The following ATP9A variants were observed in gnomAD, a reference collection of about 807,000 sequenced individuals.
The protein encoded by ATP9A is ATPase phospholipid transporting 9A.
In ATP9A, 52 loss-of-function variants were observed where a neutral mutation model predicts 144.1. That is an observed-to-expected ratio of 0.36 (90% CI 0.29 to 0.45). ATP9A has a LOEUF of 0.45. Among genes scored for constraint, ATP9A ranks in the 20% least tolerant of loss-of-function variants. The pLI is 1.00. For synonymous variants in ATP9A, 582 were observed against 557.4 expected (o/e 1.04, Z -0.62); for missense variants, 947 against 1,392.7 (o/e 0.68, Z 5.09).
intron 4 of ATP9A, among the ~76,000 whole-genome samples, chr20:51,702,365 C>CTTGT (rs370241750): frequency 2.3e-5 from 3 of 130,216 alleles, no homozygotes; most frequent in South Asian, 2.6e-4. Flanking sequence ...TGTGTGTGTT[C>CTTGT]GTGTGTGTGT....
chr20:51,712,918 G>GC, intron 4 of ATP9A, 48 bp downstream of exon 4: 1 of 1,500,726 alleles, frequency 6.7e-7, no homozygotes, highest in Non-Finnish European at 9.1e-7. Context: ...ACTGTCAGCG[G>GC]CCCGTGATTG....
Position 51,730,824 on chromosome 20 carries a change from T to C in ATP9A, c.69-846A>G, listed in dbSNP as rs1192446494. On this transcript the variant is annotated intron_variant, in intron 1 of 27. Coordinates refer to ENST00000338821, the MANE Select transcript of ATP9A (RefSeq NM_006045.3). ...TCTAATGGGGCCACTGTTATATATG[T>C]GGTCTGTGGTTGGTTGATATGTCAT... Among the ~76,000 whole-genome samples the C allele has an allele frequency of 2.0e-5, 3 of 152,122 alleles. No homozygotes were observed. The East Asian group carries it at 5.8e-4, about 29-fold the overall frequency.
At chr20:51,649,421 A>C (rs2077354603) in intron 14 of ATP9A, among the ~76,000 whole-genome samples, 1 of 152,126 alleles carries the variant, frequency 6.6e-6, no homozygotes, top group African/African-American at 2.4e-5. Flanking sequence ...GGGCACAATC[A>C]TTGTGACTCT....
At position 51,695,532 on chromosome 20, in the gene ATP9A, G is replaced by A. The variant is rs953707937; in HGVS notation, c.547+561C>T. On this transcript the variant is annotated intron_variant, in intron 6 of 27. Coordinates refer to ENST00000338821, the MANE Select transcript of ATP9A (RefSeq NM_006045.3). Reference sequence around the variant, plus strand: ...ATAGGGTGGGCAGGCAATGACAGCTGCCACCCTAGGGAACAACTGCAAGGA... The same window carrying A: ...ATAGGGTGGGCAGGCAATGACAGCTACCACCCTAGGGAACAACTGCAAGGA... Among the ~76,000 whole-genome samples, 2 of 151,408 alleles carry A rather than the reference G, an allele frequency of 1.3e-5. 1 individual carries two copies. Among genetic ancestry groups the A allele is most frequent in the Admixed American group, 1.3e-4 (2 of 15,180 alleles).
chr20:51,716,971 C>G (rs935353036), intron 3 of ATP9A, among the ~76,000 whole-genome samples: 1 of 152,120 alleles, frequency 6.6e-6, no homozygotes, highest in Non-Finnish European at 1.5e-5. Context: ...GTCAGGAGTT[C>G]CAGATCAGCC....
At chr20:51,701,505 T>C (rs1024955538) in intron 4 of ATP9A, among the ~76,000 whole-genome samples, 1 of 152,204 alleles carries the variant, frequency 6.6e-6, no homozygotes, top group African/African-American at 2.4e-5. Flanking sequence ...GAACTCTGCC[T>C]CTCTCTGTCC....
In ATP9A at chr20:51,622,107, C is replaced by T. The variant is rs781478322; in HGVS notation, c.2082G>A (p.Val694=). 34 of 1,614,016 alleles carry T rather than the reference C, an allele frequency of 2.1e-5. No individual in the cohort carries two copies. The highest frequency in any genetic ancestry group is 2.5e-5 in the Non-Finnish European group (30 of 1,180,030). The change falls in exon 19 of 28, where the codon GTG becomes GTA. Residue 694 remains valine, a synonymous_variant. Coordinates refer to ENST00000338821, the MANE Select transcript of ATP9A (RefSeq NM_006045.3). ...AAACGTGGATGTCTTGGTTTCTGGT[C>T]ACCAGATGTGCATTCTTCGCTGTGC... ...ATCTAKNAHL[V]TRNQDIHVFR...
chr20:51,763,860 CCTTG>C (rs911876094), intron 1 of ATP9A, among the ~76,000 whole-genome samples: 85 of 152,278 alleles, frequency 5.6e-4, no homozygotes, highest in African/African-American at 1.9e-3. Flanking sequence ...AAGCTCCCAT[CCTTG>C]CCACAACATC....
chr20:51,765,284 GATT>G (rs1239684659), intron 1 of ATP9A, among the ~76,000 whole-genome samples: 2 of 152,130 alleles, frequency 1.3e-5, no homozygotes, highest in Non-Finnish European at 2.9e-5. Flanking sequence ...TGAAAATGCA[GATT>G]ATATACAAGA....
chr20:51,627,763 A>C, intron 16 of ATP9A, 80 bp from the exon 17 acceptor site: 1 of 1,154,244 alleles, frequency 8.7e-7, no homozygotes, highest in Non-Finnish European at 1.3e-6. Flanking sequence ...GCCCAAGTGG[A>C]TGTGCCCCTC....
At chr20:51,715,550 G>A (rs2077658406) in intron 3 of ATP9A, among the ~76,000 whole-genome samples, 11 of 152,174 alleles carry the variant, frequency 7.2e-5, no homozygotes, top group Admixed American at 7.2e-4. Context: ...GAAAGTGTGT[G>A]CTCATACAAA....
intron 11 of ATP9A, among the ~76,000 whole-genome samples, chr20:51,671,632 G>A (rs548050734): frequency 6.6e-6 from 1 of 151,990 alleles, no homozygotes; most frequent in South Asian, 2.1e-4. Flanking sequence ...CTATAGTACT[G>A]AGCACATTTA....
At position 51,689,134 on chromosome 20, in the gene ATP9A, G is replaced by A. The variant is rs1433138392; in HGVS notation, c.729C>T (p.Asp243=). 2 of 1,613,796 alleles carry A rather than the reference G, an allele frequency of 1.2e-6. No individual in the cohort carries two copies. Among genetic ancestry groups the A allele is most frequent in the African/African-American group, 2.7e-5 (2 of 74,884 alleles). ...HNFVGTFTRE[D]SDPPISESLS... ...GGCTCTCGCTGATCGGGGGGTCGCT[G>A]TCTTCCTGGAAAAGACCAAACGGAC... Residue 243 remains aspartate, a synonymous_variant, in exon 9 of 28, where the codon GAC becomes GAT. Coordinates refer to ENST00000338821, the MANE Select transcript of ATP9A (RefSeq NM_006045.3).
chr20:51,619,576 A>AAG (rs1491505929), intron 19 of ATP9A, among the ~76,000 whole-genome samples: 3 of 86,622 alleles, frequency 3.5e-5, no homozygotes, highest in Non-Finnish European at 6.8e-5. Context: ...AAAAAAAAAA[A>AAG]GGGGGGGGGG....
At chr20:51,747,097 CGT>C (rs1491271604) in intron 1 of ATP9A, among the ~76,000 whole-genome samples, 2 of 89,770 alleles carry the variant, frequency 2.2e-5, no homozygotes, top group Non-Finnish European at 2.2e-5. Flanking sequence ...CTGGGTTTTT[CGT>C]TTTTTTTTTT....
intron 1 of ATP9A, among the ~76,000 whole-genome samples, chr20:51,730,234 C>G (rs8118519): frequency 6.6e-6 from 1 of 151,994 alleles, no homozygotes; most frequent in Non-Finnish European, 1.5e-5. Context: ...TTTGGGAGGC[C>G]GAGGTGGGCA....
At chr20:51,709,784 T>C (rs2077630060) in intron 4 of ATP9A, among the ~76,000 whole-genome samples, 1 of 152,230 alleles carries the variant, frequency 6.6e-6, no homozygotes, top group African/African-American at 2.4e-5. Context: ...GTTAAGGGCA[T>C]ATTGGAATTC....
rs2077139827 is a variant in ATP9A at position 51,600,847 on chromosome 20, A to AG, written c.*363dup. On this transcript the variant is annotated 3_prime_UTR_variant, in exon 28 of 28. Coordinates refer to ENST00000338821, the MANE Select transcript of ATP9A (RefSeq NM_006045.3). ...ACACACACACACACACACACACACA[A>AG]GCCTTCTACAACCTTCAGCTACACA... 6.9e-6 allele frequency: 1 copy of AG among 145,430 alleles called. No individual in the cohort carries two copies. Among genetic ancestry groups the AG allele is most frequent in the African/African-American group, 3.0e-5 (1 of 33,464 alleles). The allele number at this position is 145,430 out of a possible 1,614,324, so 9.0% of individuals were successfully genotyped here. A position where few individuals can be genotyped will look rare whatever the true frequency, so the allele number is the denominator to read the frequency against.
In ATP9A at chr20:51,601,276, G is replaced by T; in HGVS notation, c.3079C>A (p.Leu1027Ile). The T allele has an allele frequency of 1.2e-6, 2 of 1,613,938 alleles. No homozygotes were observed. Among genetic ancestry groups the T allele is most frequent in the Non-Finnish European group, 1.7e-6 (2 of 1,179,864 alleles). The change falls in exon 28 of 28, where the codon CTC becomes ATC. Residue 1027 changes from leucine (L) to isoleucine (I), a missense_variant. Physicochemically the swap from Leu to Ile is conservative, Grantham distance 5 (BLOSUM62 2). Coordinates refer to ENST00000338821, the MANE Select transcript of ATP9A (RefSeq NM_006045.3). ...SVITLVSCLP[L>I]YVLKYLRRRF... Reference sequence around the variant, plus strand: ...CTTCGCAGGTACTTGAGGACATAGAGGGGGAGGCAGCTGACCAGAGTGATG... The same window carrying T: ...CTTCGCAGGTACTTGAGGACATAGATGGGGAGGCAGCTGACCAGAGTGATG...
Sources: gnomAD v4.1 joint callset for allele counts (sites outside exome capture counted in the v4.1 genomes callset) on GRCh38, gnomAD v4.1.1 for gene constraint, MANE v1.5 for transcripts, NCBI Gene and HGNC (gene_info 2026-07-23, HGNC 2026-07-21) for gene names.